HDAC4: variants seen among roughly 807,000 people sequenced by gnomAD.
HDAC4 encodes the protein histone deacetylase A.
Under a neutral mutation model 135.1 loss-of-function variants are expected in HDAC4, and 16 were observed. The observed-to-expected ratio is 0.12, with a 90% CI of 0.08 to 0.18. The LOEUF is 0.18. Among genes scored for constraint, HDAC4 ranks in the 10% least tolerant of loss-of-function variants. The probability of loss-of-function intolerance (pLI) is 1.00; values close to 1 mark genes in which losing one functional copy is unlikely to be tolerated. For synonymous variants in HDAC4, 685 were observed against 653.4 expected, an observed-to-expected ratio of 1.05 and a Z score of -0.74; for missense variants, 1,143 against 1,511.8, an observed-to-expected ratio of 0.76 and a Z score of 4.05.
At chr2:239,166,847 C>T (rs924620041) in intron 5 of HDAC4, among the ~76,000 whole-genome samples, 1 of 152,148 alleles carries the variant, frequency 6.6e-6, no homozygotes, top group African/African-American at 2.4e-5. Context: ...GCAAATTTGC[C>T]AATGAGTATG....
At chr2:239,112,950 C>T (rs771876933) in intron 13 of HDAC4, among the ~76,000 whole-genome samples, 3 of 152,184 alleles carry the variant, frequency 2.0e-5, no homozygotes, top group Admixed American at 6.5e-5. Context: ...TCAGGCTGGG[C>T]GTGGTGGCTC....
chr2:239,259,579 A>G lies in HDAC4; in HGVS notation c.23-22915T>C, dbSNP rs1401098337. Among the ~76,000 whole-genome samples the G allele has an allele frequency of 2.0e-5, 3 of 152,388 alleles. No individual in the cohort carries two copies. The East Asian group carries it at 5.8e-4, about 29-fold the overall frequency. On this transcript the variant is annotated intron_variant, in intron 2 of 26. Transcript: ENST00000543185. ...GCAGCGAAAGCCATGCATAGAGGAA[A>G]ATGGCCTTAAAATCCTCATATTCGG...
intron 2 of HDAC4, among the ~76,000 whole-genome samples, chr2:239,278,282 G>A (rs1273344541): frequency 1.3e-5 from 2 of 151,932 alleles, no homozygotes; most frequent in South Asian, 2.1e-4. Context: ...AAGAAGAGGT[G>A]CCCACCAACC....
At chr2:239,265,356 T>C (rs2049657681) in intron 2 of HDAC4, among the ~76,000 whole-genome samples, 1 of 152,230 alleles carries the variant, frequency 6.6e-6, no homozygotes, top group African/African-American at 2.4e-5. Context: ...AGGAAGTCAA[T>C]CTTAGCCCAG....
chr2:239,134,641 C>T lies in HDAC4; in HGVS notation c.981G>A (p.Thr327=), dbSNP rs895364750. 37 of 1,611,246 alleles carry T rather than the reference C, an allele frequency of 2.3e-5. No individual in the cohort carries two copies. The highest frequency in any genetic ancestry group is 2.8e-5 in the Non-Finnish European group (33 of 1,177,492). The change falls in exon 10 of 27, where the codon ACG becomes ACA. Residue 327 remains threonine (T), a splice_region_variant and synonymous_variant. Coordinates refer to ENST00000543185, the MANE Select transcript of HDAC4 (RefSeq NM_001378414.1). The stretch of plus-strand genomic sequence containing the variant: ...GTGCCACAAGTCTGTGCGCCAAACT[C>T]GTCTGGGGACAGAACACACGATGAC... The part of the protein sequence containing the change: ...APAVPSIPAE[T]SLAHRLVARE...
chr2:239,348,049 G>A (rs1692841683), intron 2 of HDAC4, among the ~76,000 whole-genome samples: 2 of 133,308 alleles, frequency 1.5e-5, no homozygotes, highest in African/African-American at 6.0e-5. Flanking sequence ...GCTTCCTATC[G>A]AGAGCATCAT....
At position 239,306,846 on chromosome 2, in the gene HDAC4, G is replaced by A. The variant is rs540804817; in HGVS notation, c.22+45832C>T. 2.6e-5 allele frequency among the ~76,000 whole-genome samples: 4 copies of A among 152,134 alleles called. No homozygotes were observed. Among genetic ancestry groups the A allele is most frequent in the African/African-American group, 4.8e-5 (2 of 41,542 alleles). Reference sequence around the variant, plus strand: ...CACCCCCGAGGAGCCAGACAGGATCGAGAGAACCTTCTGGAAGGAGCTGCA... The same window carrying A: ...CACCCCCGAGGAGCCAGACAGGATCAAGAGAACCTTCTGGAAGGAGCTGCA... On this transcript the variant is annotated intron_variant, in intron 2 of 26. Coordinates refer to ENST00000543185, the MANE Select transcript of HDAC4 (RefSeq NM_001378414.1). This position sits in a 1 kb window ranked among gnomAD's most constrained non-coding sequence, Gnocchi z 4.5.
At chr2:239,334,783 G>A (rs1265435677) in intron 2 of HDAC4, among the ~76,000 whole-genome samples, 1 of 152,148 alleles carries the variant, frequency 6.6e-6, no homozygotes, top group African/African-American at 2.4e-5. Context: ...AGCACTTTGG[G>A]AGGCCGAGGC....
At chr2:239,054,704 C>A in intron 25 of HDAC4, 45 bp downstream of exon 25, 1 of 1,263,670 alleles carries the variant, frequency 7.9e-7, no homozygotes, top group Non-Finnish European at 1.2e-6. Context: ...TGCAGTCCCA[C>A]CCCCAGGGGC....
intron 3 of HDAC4, among the ~76,000 whole-genome samples, chr2:239,225,596 G>A (rs1051024387): frequency 1.3e-5 from 2 of 152,262 alleles, no homozygotes; most frequent in African/African-American, 2.4e-5. Flanking sequence ...CCAGGAAGGC[G>A]GGGAAGGCAG....
At chr2:239,158,611 C>T (rs530426829) in intron 6 of HDAC4, among the ~76,000 whole-genome samples, 1 of 152,150 alleles carries the variant, frequency 6.6e-6, no homozygotes, top group South Asian at 2.1e-4. Flanking sequence ...CAACTGCCAG[C>T]GCCTCCCCGC....
At chr2:239,097,604 C>T (rs3791385) in intron 16 of HDAC4, among the ~76,000 whole-genome samples, 44,463 of 152,098 alleles carry the variant, frequency 0.29, 6,680 homozygotes, top group Non-Finnish European at 0.33. Context: ...GCTGACCATG[C>T]GGGGAAGCGG....
At chr2:239,358,046 C>T (rs563060872) in intron 1 of HDAC4, among the ~76,000 whole-genome samples, 1 of 152,102 alleles carries the variant, frequency 6.6e-6, no homozygotes, top group Admixed American at 6.5e-5. Context: ...CCCAAGCTAC[C>T]GAAGCTCACT....
At chr2:239,151,582 A>G in intron 7 of HDAC4, among the ~76,000 whole-genome samples, 1 of 151,986 alleles carries the variant, frequency 6.6e-6, no homozygotes, top group East Asian at 1.9e-4. Context: ...GAGGGAGCCC[A>G]GGACCTTTGA....
rs371856046 is a variant in HDAC4, at chr2:239,359,066, TA to T, written c.-219-6149del. On this transcript the variant is annotated intron_variant, in intron 1 of 26. Transcript: ENST00000543185. ...ATGTAAAAAGTACAAATATTTTAAG[TA>T]AAAAAAAAGTGTTTTCATATTGATA... Among the ~76,000 whole-genome samples, 806 of 151,506 alleles carry T rather than the reference TA, an allele frequency of 5.3e-3. 7 individuals carry two copies. Among genetic ancestry groups the T allele is most frequent in the African/African-American group, 0.019 (765 of 41,298 alleles).
intron 2 of HDAC4, chr2:239,298,123 T>A: frequency 9.4e-7 from 1 of 1,064,602 alleles, no homozygotes; most frequent in Non-Finnish European, 1.3e-6. Context: ...ATTAATGGAC[T>A]AAAACATAAA....
intron 2 of HDAC4, among the ~76,000 whole-genome samples, chr2:239,243,579 G>C (rs1363649321): frequency 6.6e-6 from 1 of 152,148 alleles, no homozygotes; most frequent in Non-Finnish European, 1.5e-5. Context: ...TGCTAACAGA[G>C]CTGCTTTTCA....
At chr2:239,374,273 A>G (rs1323197775) in intron 1 of HDAC4, among the ~76,000 whole-genome samples, 1 of 151,920 alleles carries the variant, frequency 6.6e-6, no homozygotes, top group Non-Finnish European at 1.5e-5. Flanking sequence ...CAGGAATCCC[A>G]CCAAAGGAAA....
chr2:239,379,651 A>G (rs1478986459), intron 1 of HDAC4, among the ~76,000 whole-genome samples: 1 of 151,824 alleles, frequency 6.6e-6, no homozygotes, highest in Non-Finnish European at 1.5e-5. Flanking sequence ...CAGTCATCTT[A>G]CCCTATCTTC....
Sources: gnomAD v4.1 joint callset for allele counts (sites outside exome capture counted in the v4.1 genomes callset) on GRCh38, gnomAD v4.1.1 for gene constraint, Gnocchi (gnomAD v3.1) non-coding constraint, MANE v1.5 for transcripts, NCBI Gene and HGNC (gene_info 2026-07-23, HGNC 2026-07-21) for gene names.